GALNT11: variants seen among roughly 807,000 people sequenced by gnomAD.
GALNT11 encodes polypeptide N-acetylgalactosaminyltransferase 11, also known as UDP-GalNAc:polypeptide N-acetylgalactosaminyltransferase 11.
In GALNT11, 47 loss-of-function variants were observed where a neutral mutation model predicts 72.7. That is an observed-to-expected ratio of 0.65 (90% CI 0.51 to 0.82). The LOEUF (loss-of-function observed/expected upper bound fraction) is 0.82, where lower values mean the gene tolerates loss of function less well. GALNT11 is among the 40% of genes least tolerant of loss of function. GALNT11 has a pLI of 0.00. For missense variants in GALNT11, 677 were observed against 778.4 expected, an observed-to-expected ratio of 0.87 and a Z score of 1.55; for synonymous variants, 270 against 286.6, an observed-to-expected ratio of 0.94 and a Z score of 0.58.
chr7:152,070,239 G>A lies in GALNT11; in HGVS notation c.-38-23951G>A, dbSNP rs144627858. ...TCTCGATCTCCTGACCTCATGATCC[G>A]CTTGCTTTGTCCTCCCAAAGTGCTG... is the stretch of plus-strand genomic sequence containing the variant. On this transcript the variant is annotated intron_variant, in intron 1 of 11. Coordinates refer to ENST00000430044, the MANE Select transcript of GALNT11 (RefSeq NM_022087.4). 1.6e-3 allele frequency among the ~76,000 whole-genome samples: 247 copies of A among 152,106 alleles called. 2 individuals are homozygous for A. The highest frequency in any genetic ancestry group is 3.0e-3 in the Non-Finnish European group (205 of 67,986).
At chr7:152,086,876 A>G (rs199760654) in intron 1 of GALNT11, among the ~76,000 whole-genome samples, 1 of 152,210 alleles carries the variant, frequency 6.6e-6, no homozygotes, top group Non-Finnish European at 1.5e-5. Flanking sequence ...AAAAATAAAC[A>G]TGGCTGTTGT....
At chr7:152,071,845 C>G (rs768141171) in intron 1 of GALNT11, among the ~76,000 whole-genome samples, 3 of 151,972 alleles carry the variant, frequency 2.0e-5, no homozygotes, top group Non-Finnish European at 4.4e-5. Context: ...TGCAACAGAC[C>G]ATTATTCTGT....
At chr7:152,101,591 G>C (rs2086890429) in intron 3 of GALNT11, among the ~76,000 whole-genome samples, 2 of 149,684 alleles carry the variant, frequency 1.3e-5, no homozygotes, top group South Asian at 4.3e-4. Flanking sequence ...TGTGTGCCCT[G>C]GGAAAGAATT....
chr7:152,060,313 G>A (rs1031891647), intron 1 of GALNT11, among the ~76,000 whole-genome samples: 1 of 152,164 alleles, frequency 6.6e-6, no homozygotes, highest in South Asian at 2.1e-4. Flanking sequence ...CATTGATGCT[G>A]TGTCACTTTC....
chr7:152,086,181 C>G (rs971573689), intron 1 of GALNT11, among the ~76,000 whole-genome samples: 1 of 151,932 alleles, frequency 6.6e-6, no homozygotes, highest in Non-Finnish European at 1.5e-5. Context: ...CCACCACACC[C>G]GGCCCAATTT....
At chr7:152,081,627 G>A (rs1223566546) in intron 1 of GALNT11, among the ~76,000 whole-genome samples, 2 of 152,168 alleles carry the variant, frequency 1.3e-5, no homozygotes, top group Admixed American at 1.3e-4. Context: ...GGATTGCATA[G>A]TAGTGTAAGG....
chr7:152,104,566 A>G (rs1344697589), intron 4 of GALNT11: 1 of 152,154 alleles, frequency 6.6e-6, no homozygotes, highest in Non-Finnish European at 1.5e-5. Context: ...TTTTAAGTCA[A>G]CTTGTATTTT....
chr7:152,054,503 CTT>C (rs1037895401), intron 1 of GALNT11, among the ~76,000 whole-genome samples: 850 of 72,036 alleles, frequency 0.012, 9 homozygotes, highest in African/African-American at 0.042. Flanking sequence ...TTTTTCTTGT[CTT>C]TTTTTTTTTT....
In GALNT11 at chr7:152,099,331, T is replaced by A. The variant is rs966356023; in HGVS notation, c.296-1467T>A. Among the ~76,000 whole-genome samples the A allele has an allele frequency of 2.0e-5, 3 of 150,360 alleles. 1 individual carries two copies. Among genetic ancestry groups the A allele is most frequent in the South Asian group, 4.2e-4 (2 of 4,800 alleles). ...AAAGGAACAGAGTTCTACTATTTTT[T>A]AAAAATGGACTTTTATTTATTTATT... On this transcript the variant is annotated intron_variant, in intron 2 of 11. Coordinates refer to ENST00000430044, the MANE Select transcript of GALNT11 (RefSeq NM_022087.4).
At chr7:152,032,201 A>G (rs1488856525) in intron 1 of GALNT11, among the ~76,000 whole-genome samples, 3 of 152,200 alleles carry the variant, frequency 2.0e-5, no homozygotes, top group Non-Finnish European at 4.4e-5. Flanking sequence ...GAAGTGGCCT[A>G]GATCTTGGGC....
intron 8 of GALNT11, among the ~76,000 whole-genome samples, chr7:152,114,680 C>G (rs2088653730): frequency 6.6e-6 from 1 of 152,184 alleles, no homozygotes; most frequent in South Asian, 2.1e-4. Flanking sequence ...CCTGCCTCAG[C>G]CTCAGCCTCC....
chr7:152,054,194 T>A (rs2083538712), intron 1 of GALNT11, among the ~76,000 whole-genome samples: 1 of 152,148 alleles, frequency 6.6e-6, no homozygotes, highest in African/African-American at 2.4e-5. Context: ...TTAATTGATT[T>A]TTAAGATTAA....
chr7:152,057,963 C>T (rs1289891690), intron 1 of GALNT11, among the ~76,000 whole-genome samples: 1 of 152,176 alleles, frequency 6.6e-6, no homozygotes, highest in Non-Finnish European at 1.5e-5. Flanking sequence ...GTTTCTCACA[C>T]TTTCCTCGTT....
At chr7:152,055,755 G>A (rs376948412) in intron 1 of GALNT11, among the ~76,000 whole-genome samples, 3 of 151,700 alleles carry the variant, frequency 2.0e-5, no homozygotes, top group Non-Finnish European at 4.4e-5. Flanking sequence ...TTTCCTTACC[G>A]ACAAGATTGG....
Position 152,106,414 on chromosome 7 carries a change from T to C in GALNT11, c.712+1044T>C, listed in dbSNP as rs2087559223. On this transcript the variant is annotated intron_variant, in intron 5 of 11. Transcript: ENST00000430044. ...CACTTTTAGTATCTGTCTTCTCTTA[T>C]TTCTCTGAAGCCCACAGTGACCTGA... Among the ~76,000 whole-genome samples, 4 of 152,348 alleles carry C rather than the reference T, an allele frequency of 2.6e-5. 1 individual carries two copies. In the Middle Eastern group the frequency reaches 0.01, roughly 389 times the overall value.
chr7:152,045,325 C>T (rs1586973577), intron 1 of GALNT11, among the ~76,000 whole-genome samples: 1 of 152,146 alleles, frequency 6.6e-6, no homozygotes, highest in East Asian at 1.9e-4. Flanking sequence ...AGTATTCCTT[C>T]CTCCTTTGTT....
chr7:152,029,721 A>T (rs571151930), intron 1 of GALNT11, among the ~76,000 whole-genome samples: 108 of 152,356 alleles, frequency 7.1e-4, no homozygotes, highest in African/African-American at 2.5e-3. Context: ...CAGTTCCCTT[A>T]TCATTTACTG....
At chr7:152,044,109 C>A (rs1367413384) in intron 1 of GALNT11, among the ~76,000 whole-genome samples, 1 of 152,166 alleles carries the variant, frequency 6.6e-6, no homozygotes, top group Non-Finnish European at 1.5e-5. Flanking sequence ...AAGACACACA[C>A]ACAGAAATAT....
intron 1 of GALNT11, among the ~76,000 whole-genome samples, chr7:152,081,950 C>T (rs562487150): frequency 1.3e-5 from 2 of 152,224 alleles, no homozygotes; most frequent in African/African-American, 2.4e-5. Flanking sequence ...GTGTATTGCT[C>T]TATTGTGTGG....
Sources: gnomAD v4.1 joint callset for allele counts (sites outside exome capture counted in the v4.1 genomes callset) on GRCh38, gnomAD v4.1.1 for gene constraint, MANE v1.5 for transcripts, NCBI Gene and HGNC (gene_info 2026-07-23, HGNC 2026-07-21) for gene names.